The following TBXAS1 variants were observed in gnomAD, a reference collection of about 807,000 sequenced individuals.
TBXAS1 encodes thromboxane A synthase 1.
TBXAS1 carries 48 observed loss-of-function variants against 60.7 expected under a neutral mutation model. That is an observed-to-expected ratio of 0.79 (90% CI 0.63 to 1.01). The LOEUF is 1.01. Ranked by LOEUF, TBXAS1 falls within the 50% of genes least tolerant of loss-of-function variation. TBXAS1 has a pLI of 0.00. For missense variants in TBXAS1, 685 were observed against 686.3 expected (o/e 1.00, Z 0.02); for synonymous variants, 287 against 269.7 (o/e 1.06, Z -0.63).
intron 4 of TBXAS1, chr7:139,913,255 C>T (rs997023687): frequency 4.6e-6 from 3 of 653,314 alleles, no homozygotes; most frequent in Non-Finnish European, 8.5e-6. Context: ...CTCAAAGTCC[C>T]CTGGAAGCCG....
upstream of TBXAS1, among the ~76,000 whole-genome samples, chr7:139,827,560 T>C (rs1585563419): frequency 6.6e-6 from 1 of 152,228 alleles, no homozygotes; most frequent in East Asian, 1.9e-4. Flanking sequence ...TAACTTGTAT[T>C]TTTGTTTTAT....
rs149005364 is a variant in TBXAS1, at chr7:139,916,731, C to A, written c.333+5410C>A. Among the ~76,000 whole-genome samples the A allele has an allele frequency of 1.3e-5, 2 of 152,298 alleles. No homozygotes were observed. The highest frequency in any genetic ancestry group is 4.8e-5 in the African/African-American group (2 of 41,564). On this transcript the variant is annotated intron_variant, in intron 4 of 12. Coordinates refer to ENST00000448866, the MANE Select transcript of TBXAS1 (RefSeq NM_001061.7). This position sits in a 1 kb window ranked among gnomAD's most constrained non-coding sequence, Gnocchi z 4.2. ...CTCTGTATCTGCAGCAGCCTCCTATCGAAGGAAGAAAAGAGTATGTTGGCT... is the reference window on the plus strand; with the variant it reads ...CTCTGTATCTGCAGCAGCCTCCTATAGAAGGAAGAAAAGAGTATGTTGGCT...
intron 9 of TBXAS1, among the ~76,000 whole-genome samples, chr7:139,981,873 A>AT (rs555436370): frequency 3.3e-5 from 5 of 152,188 alleles, no homozygotes; most frequent in East Asian, 1.9e-4. Flanking sequence ...GAAAGATGTC[A>AT]TTTTTTTCCC....
intron 4 of TBXAS1, among the ~76,000 whole-genome samples, chr7:139,809,847 G>A (rs1039586152): frequency 1.3e-5 from 2 of 152,124 alleles, no homozygotes; most frequent in African/African-American, 4.8e-5. Context: ...TCACATGCCA[G>A]TCTCTTCTGA....
At chr7:139,953,760 A>T (rs931258285) in intron 6 of TBXAS1, among the ~76,000 whole-genome samples, 1 of 152,236 alleles carries the variant, frequency 6.6e-6, no homozygotes, top group African/African-American at 2.4e-5. Context: ...GGGAAAGTTC[A>T]AGCATTTTCA....
At chr7:139,898,955 C>T (rs932925503) in intron 3 of TBXAS1, among the ~76,000 whole-genome samples, 2 of 151,238 alleles carry the variant, frequency 1.3e-5, no homozygotes. Flanking sequence ...CACTGCCAGC[C>T]GCCACTCTGC....
In TBXAS1 at chr7:139,955,573, A is replaced by G. The variant is rs1228985241; in HGVS notation, c.654A>G (p.Glu218=). 1.2e-6 allele frequency: 2 copies of G among 1,614,106 alleles called. No individual in the cohort carries two copies. Among genetic ancestry groups the G allele is most frequent in the Non-Finnish European group, 1.7e-6 (2 of 1,179,980 alleles). The change falls in exon 7 of 13, where the codon GAA becomes GAG. Residue 218 remains glutamate, a synonymous_variant. Transcript: ENST00000448866. ...PFVKHCKRFF[E]FCIPRPILVL... ...TGAAACACTGCAAGCGTTTCTTCGA[A>G]TTCTGCATCCCCAGACCTATCCTGG...
intron 9 of TBXAS1, among the ~76,000 whole-genome samples, chr7:140,003,021 G>A (rs922020745): frequency 2.0e-5 from 3 of 151,292 alleles, no homozygotes; most frequent in African/African-American, 4.9e-5. Flanking sequence ...CTACTCGGGA[G>A]GCTGAGGCAG....
At chr7:139,788,487 T>C (rs183260762) in intron 4 of TBXAS1, among the ~76,000 whole-genome samples, 1 of 152,350 alleles carries the variant, frequency 6.6e-6, no homozygotes, top group Non-Finnish European at 1.5e-5. Flanking sequence ...TAAATACTTG[T>C]TACATGAGTA....
intron 4 of TBXAS1, among the ~76,000 whole-genome samples, chr7:139,796,591 A>T (rs1331872981): frequency 6.6e-6 from 1 of 152,230 alleles, no homozygotes; most frequent in Non-Finnish European, 1.5e-5. Flanking sequence ...GTCAAAACTC[A>T]TAAAATGTAC....
intron 9 of TBXAS1, among the ~76,000 whole-genome samples, chr7:139,980,643 G>A (rs192717330): frequency 5.9e-5 from 9 of 151,366 alleles, no homozygotes; most frequent in African/African-American, 9.7e-5. Context: ...TTTCCTCCCC[G>A]TCTTCTCCTT....
At chr7:139,978,146 T>C (rs953093421) in intron 9 of TBXAS1, among the ~76,000 whole-genome samples, 3 of 152,168 alleles carry the variant, frequency 2.0e-5, no homozygotes, top group Admixed American at 2.0e-4. Flanking sequence ...TTCTAGCATG[T>C]TTTTCTCAAG....
At chr7:140,002,890 G>A (rs1410966550) in intron 9 of TBXAS1, among the ~76,000 whole-genome samples, 1 of 152,036 alleles carries the variant, frequency 6.6e-6, no homozygotes, top group South Asian at 2.1e-4. Context: ...TTGGGAGGCC[G>A]AGGCAGGCGG....
intron 1 of TBXAS1, among the ~76,000 whole-genome samples, chr7:139,838,858 G>T (rs1799238604): frequency 6.6e-6 from 1 of 152,054 alleles, no homozygotes; most frequent in Non-Finnish European, 1.5e-5. Context: ...TGGGGATAGA[G>T]ACTGTATTAG....
chr7:140,017,839 G>A lies in TBXAS1; in HGVS notation c.1527+6G>A. ...AAGCCTGCCCTGAGACCCAGGTGAG[G>A]CCCCCCTGCTCAGAGGCAGGGGCAG... On this transcript the variant is annotated splice_donor_region_variant and intron_variant, in intron 12 of 12. Coordinates refer to ENST00000448866, the MANE Select transcript of TBXAS1 (RefSeq NM_001061.7). The A allele has an allele frequency of 1.2e-6, 2 of 1,614,044 alleles. No individual in the cohort carries two copies. The highest frequency in any genetic ancestry group is 8.5e-7 in the Non-Finnish European group (1 of 1,179,932).
At chr7:139,984,925 AAAG>A (rs1180316971) in intron 9 of TBXAS1, among the ~76,000 whole-genome samples, 32 of 124,094 alleles carry the variant, frequency 2.6e-4, no homozygotes, top group Non-Finnish European at 3.7e-4. Flanking sequence ...AGAAAGAAGG[AAAG>A]AAAGAAAGAA....
intron 1 of TBXAS1, among the ~76,000 whole-genome samples, chr7:139,780,522 C>T (rs1796949375): frequency 6.6e-6 from 1 of 152,192 alleles, no homozygotes; most frequent in African/African-American, 2.4e-5. Context: ...TGGATGATAG[C>T]TGCAATTTGT....
chr7:140,017,853 AGGCAGG>A lies in TBXAS1; in HGVS notation c.1527+35_1527+40del, dbSNP rs755790445. 1.5e-5 allele frequency: 24 copies of A among 1,613,488 alleles called. No homozygotes were observed. Among genetic ancestry groups the A allele is most frequent in the East Asian group, 8.9e-5 (4 of 44,816 alleles). On this transcript the variant is annotated intron_variant, in intron 12 of 12. Coordinates refer to ENST00000448866, the MANE Select transcript of TBXAS1 (RefSeq NM_001061.7). ...ACCCAGGTGAGGCCCCCCTGCTCAG[AGGCAGG>A]GGCAGGGGCAGGGGTGGGAGGGCCA...
At chr7:139,847,923 G>A (rs1799925024) in intron 1 of TBXAS1, among the ~76,000 whole-genome samples, 1 of 152,158 alleles carries the variant, frequency 6.6e-6, no homozygotes, top group South Asian at 2.1e-4. Context: ...CTGACCTCAA[G>A]TGATCCTTTC....
Sources: gnomAD v4.1 joint callset for allele counts (sites outside exome capture counted in the v4.1 genomes callset) on GRCh38, gnomAD v4.1.1 for gene constraint, Gnocchi (gnomAD v3.1) non-coding constraint, MANE v1.5 for transcripts, NCBI Gene and HGNC (gene_info 2026-07-23, HGNC 2026-07-21) for gene names.